ZNF606: variants seen among roughly 807,000 people sequenced by gnomAD.
The protein encoded by ZNF606 is zinc finger protein 328.
In ZNF606, 37 loss-of-function variants were observed where a neutral mutation model predicts 74.9. The ratio of observed to expected loss-of-function variants is 0.49; its 90% CI spans 0.38 to 0.65. The LOEUF is 0.65. Among genes scored for constraint, ZNF606 ranks in the 30% least tolerant of loss-of-function variants. ZNF606 has a pLI of 0.00. For missense variants in ZNF606, 852 were observed against 952.9 expected (o/e 0.89, Z 1.39); for synonymous variants, 328 against 312.4 (o/e 1.05, Z -0.53).
At chr19:57,988,489 T>C in intron 5 of ZNF606, 106 bp downstream of exon 5, 7 of 1,497,764 alleles carry the variant, frequency 4.7e-6, no homozygotes, top group Non-Finnish European at 6.3e-6. Context: ...TCATCTCAGC[T>C]CTTCTGAGAC....
intron 6 of ZNF606, 77 bp downstream of exon 6, chr19:57,988,130 C>G: frequency 8.4e-7 from 1 of 1,194,024 alleles, no homozygotes; most frequent in South Asian, 1.5e-5. Flanking sequence ...GAAGGTAACT[C>G]TTCATGGCCT....
chr19:58,002,908 G>T (rs542710726), upstream of ZNF606: 1 of 445,578 alleles, frequency 2.2e-6, no homozygotes, highest in Admixed American at 2.5e-5. Context: ...CAGGTTCCTG[G>T]GCCGCGCCGC....
rs1568587456 is a variant in ZNF606 at position 58,002,557 on chromosome 19, A to C, written c.-213T>G. The C allele has an allele frequency of 2.3e-6, 1 of 428,588 alleles. No homozygotes were observed. The highest frequency in any genetic ancestry group is 2.6e-5 in the Admixed American group (1 of 37,946). 26.5% of individuals were successfully genotyped at this position (428,588 alleles called of 1,614,324 possible). ...ACAAAGGCCCGCGGAGCCGACGTGC[A>C]GCAGAGTTCACCCAGGCCCGTCCGA... On this transcript the variant is annotated 5_prime_UTR_variant, in exon 1 of 7. Transcript: ENST00000551380.
intron 6 of ZNF606, 77 bp downstream of exon 6, chr19:57,988,130 C>T (rs114394857): frequency 8.4e-7 from 1 of 1,194,024 alleles, no homozygotes; most frequent in African/African-American, 1.5e-5. Context: ...GAAGGTAACT[C>T]TTCATGGCCT....
upstream of ZNF606, chr19:58,002,864 G>C: frequency 4.6e-6 from 2 of 434,340 alleles, no homozygotes; most frequent in Non-Finnish European, 9.2e-6. Context: ...TTCCAGGCGG[G>C]CACTTCCGGC....
In ZNF606 at chr19:57,977,309, A is replaced by G. The variant is rs1038461666; in HGVS notation, c.*992T>C. 2.0e-4 allele frequency: 31 copies of G among 152,338 alleles called. No homozygotes were observed. The highest frequency in any genetic ancestry group is 7.5e-4 in the African/African-American group (31 of 41,580). The allele number at this position is 152,338 out of a possible 1,614,324, so 9.4% of individuals were successfully genotyped here. On this transcript the variant is annotated 3_prime_UTR_variant, in exon 7 of 7. Transcript: ENST00000551380. ...ACTGGGGTAACAGTACCTATCTCAG[A>G]GTAAAGGGGACTAAACAAGTTAACA...
Position 57,988,248 on chromosome 19 carries a change from G to A in ZNF606, c.359C>T (p.Pro120Leu), listed in dbSNP as rs182873239. 71 of 1,614,032 alleles carry A rather than the reference G, an allele frequency of 4.4e-5. No homozygotes were observed. In the East Asian group the frequency reaches 1.0e-3, roughly 24 times the overall value. The change falls in exon 6 of 7, where the codon CCG becomes CTG. Residue 120 changes from proline to leucine, a missense_variant. Physicochemically the swap from Pro to Leu is moderately conservative, Grantham distance 98. Around this residue, in one of 3 missense-constraint regions of ZNF606, gnomAD observed 545 missense variants for 542.5 expected, o/e 1.00. Transcript: ENST00000551380. ...AGGACATGCCTGCTCCACTGACCAC[G>A]GCTCTTCTCCTTGCTCCAACAGGGA... ...VISLLEQGEEPWSVEQACPQR... is the reference protein window; with the variant it reads ...VISLLEQGEELWSVEQACPQR...
intron 6 of ZNF606, among the ~76,000 whole-genome samples, chr19:57,987,983 C>T (rs1159012007): frequency 1.3e-5 from 2 of 152,112 alleles, no homozygotes; most frequent in Non-Finnish European, 2.9e-5. Context: ...GAGGAAGGGA[C>T]CGCAGAAAAC....
chr19:57,982,479 T>C (rs906831461), intron 6 of ZNF606, among the ~76,000 whole-genome samples: 1 of 152,176 alleles, frequency 6.6e-6, no homozygotes. Context: ...TTCTGGAGAT[T>C]AGGATGCAGA....
At position 57,977,989 on chromosome 19, in the gene ZNF606, G is replaced by C. The variant is rs575296036; in HGVS notation, c.*312C>G. ...ATTCACACCAATCTACAATTGGTGA[G>C]AGCTCTTGCTAAAAGATGCCTCATT... On this transcript the variant is annotated 3_prime_UTR_variant, in exon 7 of 7. Coordinates refer to ENST00000551380, the MANE Select transcript of ZNF606 (RefSeq NM_001348022.3). 11 of 212,686 alleles carry C rather than the reference G, an allele frequency of 5.2e-5. No individual in the cohort carries two copies. Among genetic ancestry groups the C allele is most frequent in the Non-Finnish European group, 9.3e-5 (10 of 107,652 alleles). 13.2% of individuals were successfully genotyped at this position (212,686 alleles called of 1,614,324 possible).
chr19:58,000,864 T>TA (rs373295287), intron 2 of ZNF606, 125 bp from the exon 3 acceptor site: 116 of 841,174 alleles, frequency 1.4e-4, no homozygotes, highest in African/African-American at 9.8e-4. Flanking sequence ...CAAGGGTGTG[T>TA]AAAAAAAATG....
At position 58,002,573 on chromosome 19, in the gene ZNF606, G is replaced by A; in HGVS notation, c.-229C>T. The A allele has an allele frequency of 2.3e-6, 1 of 436,116 alleles. No homozygotes were observed. Among genetic ancestry groups the A allele is most frequent in the Non-Finnish European group, 4.6e-6 (1 of 217,608 alleles). 27.0% of individuals were successfully genotyped at this position (436,116 alleles called of 1,614,324 possible). Reference sequence around the variant, plus strand: ...CCGACGTGCAGCAGAGTTCACCCAGGCCCGTCCGACCAGAAAACGAAGAAC... The same window carrying A: ...CCGACGTGCAGCAGAGTTCACCCAGACCCGTCCGACCAGAAAACGAAGAAC... On this transcript the variant is annotated 5_prime_UTR_variant, in exon 1 of 7. Coordinates refer to ENST00000551380, the MANE Select transcript of ZNF606 (RefSeq NM_001348022.3).
chr19:57,979,362 G>C lies in ZNF606; in HGVS notation c.1318C>G (p.Arg440Gly), dbSNP rs753804661. ...CDKCGKVFRNRSALTKHERTH... is the reference protein window; with the variant it reads ...CDKCGKVFRNGSALTKHERTH... ...CGTTCATGTTTCGTAAGGGCTGAGCGATTCCTAAAAACTTTTCCACATTTA... is the reference window on the plus strand; with the variant it reads ...CGTTCATGTTTCGTAAGGGCTGAGCCATTCCTAAAAACTTTTCCACATTTA... The change falls in exon 7 of 7, where the codon CGC becomes GGC. Residue 440 changes from arginine (R) to glycine (G), a missense_variant. Physicochemically the swap from Arg to Gly is moderately radical, Grantham distance 125. Transcript: ENST00000551380. 51 of 1,612,542 alleles carry C rather than the reference G, an allele frequency of 3.2e-5. No homozygotes were observed. The highest frequency in any genetic ancestry group is 4.0e-5 in the Non-Finnish European group (47 of 1,179,264).
chr19:57,987,229 G>A (rs568796730), intron 6 of ZNF606, among the ~76,000 whole-genome samples: 1 of 152,256 alleles, frequency 6.6e-6, no homozygotes, highest in South Asian at 2.1e-4. Flanking sequence ...AGTAACAGCA[G>A]GGAGTAAAAA....
intron 4 of ZNF606, chr19:57,999,465 G>C: frequency 2.6e-6 from 1 of 383,042 alleles, no homozygotes; most frequent in Non-Finnish European, 4.7e-6. Context: ...TTCACAGCAG[G>C]CACAGCAGGC....
Position 57,979,295 on chromosome 19 carries a change from C to T in ZNF606, c.1385G>A (p.Gly462Glu). Residue 462 changes from glycine to glutamate, a missense_variant, in exon 7 of 7, where the codon GGA (glycine) becomes GAA (glutamate). Gly to Glu is a moderately conservative substitution (Grantham distance 98). Transcript: ENST00000551380. ...GIKPYECNKC[G>E]KAFSWNSHLI... Reference sequence around the variant, plus strand: ...ATGAGAATTCCAGCTGAAGGCTTTTCCACATTTATTACATTCATAGGGTTT... The same window carrying T: ...ATGAGAATTCCAGCTGAAGGCTTTTTCACATTTATTACATTCATAGGGTTT... 1 of 1,614,050 alleles carries T rather than the reference C, an allele frequency of 6.2e-7. No homozygotes were observed. Among genetic ancestry groups the T allele is most frequent in the Non-Finnish European group, 8.5e-7 (1 of 1,180,014 alleles).
chr19:57,989,422 C>T (rs2073216414), intron 4 of ZNF606, among the ~76,000 whole-genome samples: 1 of 151,256 alleles, frequency 6.6e-6, no homozygotes, highest in Non-Finnish European at 1.5e-5. Context: ...CCAATGAATA[C>T]ATCCCTCAAG....
intron 2 of ZNF606, 108 bp downstream of exon 2, chr19:58,001,181 A>G: frequency 7.5e-7 from 1 of 1,331,204 alleles, no homozygotes; most frequent in Non-Finnish European, 1.1e-6. Context: ...ACCAAGATAG[A>G]CAGACCCCCT....
Position 58,002,402 on chromosome 19 carries a change from C to G in ZNF606, c.-58G>C. The G allele has an allele frequency of 2.2e-6, 1 of 456,490 alleles. No homozygotes were observed. The highest frequency in any genetic ancestry group is 4.4e-6 in the Non-Finnish European group (1 of 226,876). 28.3% of individuals were successfully genotyped at this position (456,490 alleles called of 1,614,324 possible). On this transcript the variant is annotated 5_prime_UTR_variant, in exon 1 of 7. Coordinates refer to ENST00000551380, the MANE Select transcript of ZNF606 (RefSeq NM_001348022.3). Reference sequence around the variant, plus strand: ...AAGCTCGTCCCGGCCTCACCTGGCTCGCGGCCGGCGGTCCCCCTTGAAGGC... The same window carrying G: ...AAGCTCGTCCCGGCCTCACCTGGCTGGCGGCCGGCGGTCCCCCTTGAAGGC...
Sources: allele counts gnomAD v4.1 joint callset (sites outside exome capture counted in the v4.1 genomes callset), GRCh38; gene constraint gnomAD v4.1.1; regional missense constraint gnomAD v4.1.1; transcripts MANE v1.5; gene names NCBI Gene and HGNC (gene_info 2026-07-23, HGNC 2026-07-21).